Variants in PDE10A observed in about 807,000 individuals in gnomAD.
The protein encoded by PDE10A is cAMP and cAMP-inhibited cGMP 3',5'-cyclic phosphodiesterase 10A.
Under a neutral mutation model 97.7 loss-of-function variants are expected in PDE10A, and 39 were observed. The ratio of observed to expected loss-of-function variants is 0.40; its 90% CI spans 0.31 to 0.52. The LOEUF (loss-of-function observed/expected upper bound fraction) is 0.52, where lower values mean the gene tolerates loss of function less well. Among genes scored for constraint, PDE10A ranks in the 20% least tolerant of loss-of-function variants. PDE10A has a pLI of 0.56. For missense variants in PDE10A, 731 were observed against 1,047.8 expected, an observed-to-expected ratio of 0.70 and a Z score of 4.17; for synonymous variants, 371 against 376.8, an observed-to-expected ratio of 0.98 and a Z score of 0.18.
intron 2 of PDE10A, among the ~76,000 whole-genome samples, chr6:165,511,926 T>A (rs1468543943): frequency 6.6e-6 from 1 of 152,058 alleles, no homozygotes; most frequent in Non-Finnish European, 1.5e-5. Context: ...GAAGTGCATT[T>A]CTTACAGGCA....
intron 6 of PDE10A, among the ~76,000 whole-genome samples, chr6:165,433,781 C>A (rs995300055): frequency 6.6e-6 from 1 of 151,644 alleles, no homozygotes; most frequent in African/African-American, 2.4e-5. Flanking sequence ...TTTGGGAGGC[C>A]GAGGTGGGCG....
chr6:165,780,252 G>T (rs966534643), intron 1 of PDE10A: 1 of 152,106 alleles, frequency 6.6e-6, no homozygotes, highest in African/African-American at 2.4e-5. Context: ...TGTTCAAAAA[G>T]GCCAGTCATT....
At chr6:165,924,347 G>A (rs764630966) in intron 1 of PDE10A, among the ~76,000 whole-genome samples, 3 of 152,278 alleles carry the variant, frequency 2.0e-5, no homozygotes, top group East Asian at 1.9e-4. Context: ...ATCTCCCTCT[G>A]TGTGTACAGT....
chr6:165,582,648 A>G lies in PDE10A; in HGVS notation c.866-39080T>C, dbSNP rs9457104. ...ATAACTATACACCAAAAGAAACACC[A>G]TGGATTCAAGGGTCATGAGAACAAA... On this transcript the variant is annotated intron_variant, in intron 1 of 21. Coordinates refer to ENST00000539869, the MANE Select transcript of PDE10A (RefSeq NM_001385079.1). Among the ~76,000 whole-genome samples the G allele has an allele frequency of 3.3e-3, 503 of 151,664 alleles. 5 individuals carry two copies. Among genetic ancestry groups the G allele is most frequent in the African/African-American group, 0.012 (478 of 41,376 alleles).
intron 1 of PDE10A, among the ~76,000 whole-genome samples, chr6:165,836,998 A>G (rs1780079165): frequency 7.1e-6 from 1 of 140,548 alleles, no homozygotes; most frequent in Non-Finnish European, 1.5e-5. Flanking sequence ...GAATTGAACA[A>G]TGAGATCACA....
intron 1 of PDE10A, among the ~76,000 whole-genome samples, chr6:165,836,628 G>A (rs922866393): frequency 6.6e-6 from 1 of 152,304 alleles, no homozygotes; most frequent in East Asian, 1.9e-4. Context: ...TGACCTCTGC[G>A]GTCAGTGATA....
chr6:165,396,954 T>A (rs1786221616), intron 13 of PDE10A, among the ~76,000 whole-genome samples: 1 of 152,192 alleles, frequency 6.6e-6, no homozygotes, highest in South Asian at 2.1e-4. Flanking sequence ...CTTGACTGTA[T>A]ATTGTTACTG....
chr6:165,426,132 C>G (rs1230198390), intron 10 of PDE10A, among the ~76,000 whole-genome samples: 5 of 152,100 alleles, frequency 3.3e-5, no homozygotes, highest in Non-Finnish European at 7.4e-5. Context: ...TCAAATTGCT[C>G]TACAGATTCA....
rs906002969 is a variant in PDE10A, at chr6:165,661,638, C to A, written c.865+309G>T. Reference sequence around the variant, plus strand: ...CGGACAAGTGTGGCCAGAAACGGCACGAGGGGCGGAGAAGGAGGCGGCAGG... The same window carrying A: ...CGGACAAGTGTGGCCAGAAACGGCAAGAGGGGCGGAGAAGGAGGCGGCAGG... On this transcript the variant is annotated intron_variant, in intron 1 of 21. Transcript: ENST00000539869. The surrounding 1 kb of genome is among the most constrained non-coding windows in gnomAD (Gnocchi z 4.8). The A allele has an allele frequency of 1.6e-5, 6 of 366,920 alleles. No homozygotes were observed. The South Asian group carries it at 2.7e-4, about 17-fold the overall frequency. The allele number at this position is 366,920 out of a possible 1,614,324, so 22.7% of individuals were successfully genotyped here.
At chr6:165,390,566 A>G (rs1785635770) in intron 16 of PDE10A, among the ~76,000 whole-genome samples, 3 of 152,122 alleles carry the variant, frequency 2.0e-5, no homozygotes, top group Admixed American at 6.5e-5. Flanking sequence ...AATGGAGGAG[A>G]GAGAAGAGTG....
intron 1 of PDE10A, among the ~76,000 whole-genome samples, chr6:165,826,682 G>C (rs1779764604): frequency 6.6e-6 from 1 of 152,060 alleles, no homozygotes; most frequent in Non-Finnish European, 1.5e-5. Flanking sequence ...GGTCTCCACT[G>C]ACCAGAGGCA....
intron 1 of PDE10A, among the ~76,000 whole-genome samples, chr6:165,721,340 A>G (rs1433542794): frequency 6.6e-6 from 1 of 152,218 alleles, no homozygotes; most frequent in East Asian, 1.9e-4. Flanking sequence ...GTAACGAACG[A>G]TTTCATTGTC....
At chr6:165,602,137 G>A (rs2983534) in intron 1 of PDE10A, among the ~76,000 whole-genome samples, 15,787 of 152,180 alleles carry the variant, frequency 0.1, 844 homozygotes, top group Middle Eastern at 0.11. Context: ...CTTGGACAGT[G>A]GCAGCAGAAA....
At chr6:165,843,724 C>A (rs181863021) in intron 1 of PDE10A, among the ~76,000 whole-genome samples, 7 of 152,290 alleles carry the variant, frequency 4.6e-5, no homozygotes, top group African/African-American at 1.4e-4. Flanking sequence ...CACATTCAGG[C>A]CACAGCAGAG....
chr6:165,659,554 A>T (rs565723002), intron 1 of PDE10A, among the ~76,000 whole-genome samples: 1 of 152,182 alleles, frequency 6.6e-6, no homozygotes, highest in East Asian at 1.9e-4. Flanking sequence ...AGCTTGAGTG[A>T]AGTGGGTCTG....
intron 1 of PDE10A, among the ~76,000 whole-genome samples, chr6:165,795,322 T>C (rs1420406746): frequency 6.6e-6 from 1 of 152,216 alleles, no homozygotes; most frequent in Non-Finnish European, 1.5e-5. Context: ...GGGTTTTCCT[T>C]TCTAGCAATG....
chr6:165,920,905 A>G (rs1266483713), intron 1 of PDE10A, among the ~76,000 whole-genome samples: 1 of 152,214 alleles, frequency 6.6e-6, no homozygotes, highest in African/African-American at 2.4e-5. Context: ...TTCTTATGAC[A>G]CAAATAGCAC....
At chr6:165,792,933 G>A (rs1185638125) in intron 1 of PDE10A, among the ~76,000 whole-genome samples, 1 of 152,218 alleles carries the variant, frequency 6.6e-6, no homozygotes, top group African/African-American at 2.4e-5. Flanking sequence ...CCTGTCTGGT[G>A]GGGTCAAGGC....
At chr6:165,547,210 A>G (rs1783782718) in intron 1 of PDE10A, among the ~76,000 whole-genome samples, 1 of 152,092 alleles carries the variant, frequency 6.6e-6, no homozygotes, top group Non-Finnish European at 1.5e-5. Context: ...TCTACATAAC[A>G]TTTTGCCAGA....
Sources: allele counts gnomAD v4.1 joint callset (sites outside exome capture counted in the v4.1 genomes callset), GRCh38; gene constraint gnomAD v4.1.1; non-coding constraint Gnocchi (gnomAD v3.1); transcripts MANE v1.5; gene names NCBI Gene and HGNC (gene_info 2026-07-23, HGNC 2026-07-21).